Variants in FOXP2 observed in about 807,000 individuals in gnomAD.
FOXP2 encodes the protein forkhead box protein P2.
A neutral mutation model predicts 115.8 loss-of-function variants in FOXP2; 12 were observed. The ratio of observed to expected loss-of-function variants is 0.10; its 90% CI spans 0.07 to 0.17. FOXP2 has a LOEUF of 0.17. FOXP2 is among the 10% of genes least tolerant of loss of function. The pLI is 1.00. For synonymous variants in FOXP2, 328 were observed against 297.7 expected (o/e 1.10, Z -1.05); for missense variants, 629 against 843.5 (o/e 0.75, Z 3.15).
intron 5 of FOXP2, among the ~76,000 whole-genome samples, chr7:114,630,218 G>A (rs374681077): frequency 2.0e-4 from 30 of 152,058 alleles, no homozygotes; most frequent in African/African-American, 6.0e-4. Context: ...TGCTGCTGTC[G>A]TCTAATGTTC....
chr7:114,488,458 A>AT, intron 2 of FOXP2, among the ~76,000 whole-genome samples: 1 of 152,240 alleles, frequency 6.6e-6, no homozygotes, highest in East Asian at 1.9e-4. Flanking sequence ...AAATATAATG[A>AT]TTTTTTATGT....
intron 16 of FOXP2, among the ~76,000 whole-genome samples, chr7:114,675,168 C>CA (rs1435018796): frequency 6.6e-6 from 1 of 151,984 alleles, no homozygotes; most frequent in Non-Finnish European, 1.5e-5. Flanking sequence ...ATGAATCTAC[C>CA]ATCAAATTCC....
chr7:114,330,680 G>A (rs1797686195), intron 2 of FOXP2, among the ~76,000 whole-genome samples: 1 of 151,754 alleles, frequency 6.6e-6, no homozygotes, highest in Non-Finnish European at 1.5e-5. Context: ...GTAAGAAGAG[G>A]ACAAACTATC....
intron 3 of FOXP2, among the ~76,000 whole-genome samples, chr7:114,548,763 G>A (rs535357745): frequency 1.3e-5 from 2 of 152,278 alleles, no homozygotes; most frequent in South Asian, 4.1e-4. Flanking sequence ...TGTTGGCAGT[G>A]CTGATGAGGG....
At chr7:114,117,309 C>A (rs1044882414) in intron 1 of FOXP2, among the ~76,000 whole-genome samples, 7 of 151,324 alleles carry the variant, frequency 4.6e-5, no homozygotes, top group Non-Finnish European at 7.4e-5. Context: ...GCAATCTCTG[C>A]TTCCTGGGTT....
In FOXP2 at chr7:114,356,317, G is replaced by A. The variant is rs551654867; in HGVS notation, c.-11+68208G>A. Among the ~76,000 whole-genome samples, 12 of 152,200 alleles carry A rather than the reference G, an allele frequency of 7.9e-5. No individual in the cohort carries two copies. The East Asian group carries it at 1.4e-3, about 17-fold the overall frequency. ...CACAGGTTAGTCTAGTGACTAATCTGGGAAATGATTTCATGAAATGACTAA... is the reference window on the plus strand; with the variant it reads ...CACAGGTTAGTCTAGTGACTAATCTAGGAAATGATTTCATGAAATGACTAA... On this transcript the variant is annotated intron_variant, in intron 2 of 17. Coordinates refer to the FOXP2 transcript ENST00000634411.
At chr7:114,537,250 T>C (rs1584867223) in intron 3 of FOXP2, among the ~76,000 whole-genome samples, 1 of 151,554 alleles carries the variant, frequency 6.6e-6, no homozygotes, top group East Asian at 1.9e-4. Context: ...GTGTATTATC[T>C]TTACATTTCA....
At chr7:114,297,208 C>T in intron 2 of FOXP2, 1 of 483,270 alleles carries the variant, frequency 2.1e-6, no homozygotes, top group South Asian at 1.9e-5. Context: ...ACCCTTTTCT[C>T]GATGAAACTT....
At chr7:114,402,453 A>G (rs1209939807) in intron 2 of FOXP2, among the ~76,000 whole-genome samples, 2 of 152,102 alleles carry the variant, frequency 1.3e-5, no homozygotes, top group African/African-American at 4.8e-5. Flanking sequence ...AGTTTACACA[A>G]TTGCCTACTG....
rs1356239965 is a variant in FOXP2 at position 114,691,494 on chromosome 7, A to G, written c.*1568A>G. The G allele has an allele frequency of 6.6e-6, 3 of 454,036 alleles. No individual in the cohort carries two copies. 28.1% of individuals were successfully genotyped at this position (454,036 alleles called of 1,614,324 possible). ...ATACACTCCCTTCAAAGACTTGCAC[A>G]GGCCAAATTGTTGGAATGCTGGTTT... On this transcript the variant is annotated 3_prime_UTR_variant, in exon 17 of 17. Transcript: ENST00000350908.
At chr7:114,113,122 T>C (rs529488186) in intron 1 of FOXP2, among the ~76,000 whole-genome samples, 1 of 152,288 alleles carries the variant, frequency 6.6e-6, no homozygotes, top group East Asian at 1.9e-4. Flanking sequence ...CAAAATGATT[T>C]GTAGTCTCTT....
intron 2 of FOXP2, among the ~76,000 whole-genome samples, chr7:114,302,210 T>A (rs1335865165): frequency 1.3e-5 from 2 of 152,194 alleles, no homozygotes; most frequent in Non-Finnish European, 2.9e-5. Context: ...CTCCAGGTTA[T>A]AACAGTGGTT....
intron 16 of FOXP2, among the ~76,000 whole-genome samples, chr7:114,671,761 T>A (rs1162487616): frequency 2.6e-5 from 4 of 152,318 alleles, no homozygotes; most frequent in South Asian, 4.1e-4. Context: ...TGGATATATG[T>A]TGGTGACCAG....
intron 2 of FOXP2, among the ~76,000 whole-genome samples, chr7:114,489,894 C>A (rs1796956817): frequency 1.3e-5 from 2 of 152,086 alleles, no homozygotes; most frequent in Admixed American, 6.6e-5. Flanking sequence ...TGTGTATCTA[C>A]TATCAGAATG....
chr7:114,372,944 G>A (rs1206355779), intron 2 of FOXP2, among the ~76,000 whole-genome samples: 1 of 151,638 alleles, frequency 6.6e-6, no homozygotes, highest in East Asian at 1.9e-4. Flanking sequence ...GTCATTTAAG[G>A]ATTTATCTGT....
At chr7:114,153,173 A>G (rs561332533) in intron 1 of FOXP2, among the ~76,000 whole-genome samples, 27 of 152,264 alleles carry the variant, frequency 1.8e-4, no homozygotes, top group South Asian at 4.1e-4. Context: ...CTGGGAAAAC[A>G]CAATTAGGTT....
intron 1 of FOXP2, among the ~76,000 whole-genome samples, chr7:114,232,190 T>TA (rs1432208534): frequency 2.0e-5 from 3 of 151,960 alleles, no homozygotes; most frequent in Non-Finnish European, 2.9e-5. Flanking sequence ...ATGGCCATTA[T>TA]AAAAAACAAA....
intron 3 of FOXP2, among the ~76,000 whole-genome samples, chr7:114,549,604 A>T (rs954513108): frequency 5.3e-5 from 8 of 152,188 alleles, no homozygotes; most frequent in African/African-American, 1.9e-4. Flanking sequence ...TGAGAATAAG[A>T]ATTAGTCATT....
At chr7:114,528,158 G>T (rs1798963996) in intron 2 of FOXP2, among the ~76,000 whole-genome samples, 1 of 151,964 alleles carries the variant, frequency 6.6e-6, no homozygotes, top group Non-Finnish European at 1.5e-5. Context: ...CTAAGCGTAT[G>T]CTCTATCCAA....
Sources: gnomAD v4.1 joint callset for allele counts (sites outside exome capture counted in the v4.1 genomes callset) on GRCh38, gnomAD v4.1.1 for gene constraint, MANE v1.5 for transcripts, NCBI Gene and HGNC (gene_info 2026-07-23, HGNC 2026-07-21) for gene names.